Variants in GALNTL6 observed in about 807,000 individuals in gnomAD.
GALNTL6 encodes the protein polypeptide N-acetylgalactosaminyltransferase like 6.
Under a neutral mutation model 73.7 loss-of-function variants are expected in GALNTL6, and 46 were observed. The ratio of observed to expected loss-of-function variants is 0.62; its 90% confidence interval spans 0.49 to 0.80. GALNTL6 has a LOEUF of 0.80. Ranked by LOEUF, GALNTL6 falls within the 30% of genes least tolerant of loss-of-function variation. The pLI is 0.00. For synonymous variants in GALNTL6, 259 were observed against 263.7 expected (o/e 0.98, Z 0.17); for missense variants, 604 against 755.0 (o/e 0.80, Z 2.34).
chr4:172,225,079 G>A (rs1420409616), intron 2 of GALNTL6, among the ~76,000 whole-genome samples: 2 of 152,046 alleles, frequency 1.3e-5, no homozygotes, highest in African/African-American at 4.8e-5. Context: ...TGAAATATAT[G>A]CCTCAAGAAG....
chr4:172,810,485 A>G (rs1358983113), intron 6 of GALNTL6, among the ~76,000 whole-genome samples: 1 of 152,202 alleles, frequency 6.6e-6, no homozygotes, highest in Non-Finnish European at 1.5e-5. Flanking sequence ...TTGGAACTAA[A>G]GTCACTAGCA....
chr4:172,723,178 C>A (rs912441447), intron 5 of GALNTL6, among the ~76,000 whole-genome samples: 2 of 152,148 alleles, frequency 1.3e-5, no homozygotes, highest in Non-Finnish European at 2.9e-5. Context: ...TGGGACTACC[C>A]AGATAATCCA....
rs150741857 is a variant in GALNTL6 at position 172,124,670 on chromosome 4, G to C, written c.139-104986G>C. On this transcript the variant is annotated intron_variant, in intron 2 of 12. Coordinates refer to ENST00000506823, the MANE Select transcript of GALNTL6 (RefSeq NM_001034845.3). The stretch of plus-strand genomic sequence containing the variant: ...GTTTCGTAGGCCTGTTACCAAAAAA[G>C]AAAAAAACAAATCTACTGAAGAGTG... Among the ~76,000 whole-genome samples the C allele has an allele frequency of 3.9e-3, 592 of 151,990 alleles. 3 individuals are homozygous for C. The highest frequency in any genetic ancestry group is 0.013 in the African/African-American group (553 of 41,494).
Position 172,860,562 on chromosome 4 carries a change from T to G in GALNTL6, c.924-22228T>G, listed in dbSNP as rs1323615631. Among the ~76,000 whole-genome samples, 3 of 152,320 alleles carry G rather than the reference T, an allele frequency of 2.0e-5. No homozygotes were observed. In the East Asian group the frequency reaches 5.8e-4, roughly 29 times the overall value. On this transcript the variant is annotated intron_variant, in intron 7 of 12. Coordinates refer to ENST00000506823, the MANE Select transcript of GALNTL6 (RefSeq NM_001034845.3). ...CTCAGAACATCTGAGTCTTAGATAC[T>G]CTACCAAAAAGTGCTGCAACCAGAT...
chr4:172,412,439 C>G (rs905156800), intron 5 of GALNTL6, among the ~76,000 whole-genome samples: 2 of 152,086 alleles, frequency 1.3e-5, no homozygotes, highest in African/African-American at 4.8e-5. Flanking sequence ...TCTCAAAGCA[C>G]CATTTATGCC....
intron 6 of GALNTL6, among the ~76,000 whole-genome samples, chr4:172,811,531 C>T (rs1185308086): frequency 6.6e-6 from 1 of 152,166 alleles, no homozygotes; most frequent in Non-Finnish European, 1.5e-5. Context: ...TCAAAGACAT[C>T]TCTGGGGAAA....
intron 2 of GALNTL6, among the ~76,000 whole-genome samples, chr4:171,866,703 C>G (rs1481336735): frequency 1.3e-5 from 2 of 152,168 alleles, no homozygotes; most frequent in Admixed American, 1.3e-4. Context: ...GGGTCGGGTT[C>G]TGTTGAAGAC....
chr4:172,614,703 G>T (rs774241022), intron 5 of GALNTL6, among the ~76,000 whole-genome samples: 1 of 152,098 alleles, frequency 6.6e-6, no homozygotes, highest in Non-Finnish European at 1.5e-5. Context: ...AATCCTTATC[G>T]TTGTAACAGC....
intron 10 of GALNTL6, among the ~76,000 whole-genome samples, chr4:172,994,997 T>C (rs1259903818): frequency 2.0e-5 from 3 of 152,160 alleles, no homozygotes; most frequent in South Asian, 2.1e-4. Flanking sequence ...CTAGACACCA[T>C]ATTGTGTGAG....
chr4:172,156,126 G>A (rs150063946), intron 2 of GALNTL6, among the ~76,000 whole-genome samples: 1,840 of 152,160 alleles, frequency 0.012, 24 homozygotes, highest in Non-Finnish European at 0.02. Flanking sequence ...AGTGAGGACG[G>A]GGCAGGGGTT....
chr4:172,855,842 G>A (rs1334129948), intron 7 of GALNTL6, among the ~76,000 whole-genome samples: 2 of 152,178 alleles, frequency 1.3e-5, no homozygotes, highest in African/African-American at 2.4e-5. Flanking sequence ...TTGCTAAAGT[G>A]CCTCTCTTCT....
intron 10 of GALNTL6, among the ~76,000 whole-genome samples, chr4:172,990,138 T>C (rs1240600859): frequency 1.3e-5 from 2 of 152,226 alleles, no homozygotes; most frequent in Non-Finnish European, 2.9e-5. Flanking sequence ...GCAGTCTGTT[T>C]ATATCTGAAA....
At chr4:172,750,865 T>C (rs578018215) in intron 5 of GALNTL6, among the ~76,000 whole-genome samples, 10 of 152,304 alleles carry the variant, frequency 6.6e-5, no homozygotes, top group African/African-American at 2.2e-4. Flanking sequence ...CTTCCTTTAG[T>C]CATTTTCTTA....
intron 3 of GALNTL6, among the ~76,000 whole-genome samples, chr4:172,292,350 T>G (rs1739505156): frequency 6.6e-6 from 1 of 152,134 alleles, no homozygotes; most frequent in Admixed American, 6.6e-5. Context: ...GAAGGCAAAT[T>G]TAGTGGCAGT....
At chr4:172,373,850 A>G (rs1271709125) in intron 5 of GALNTL6, among the ~76,000 whole-genome samples, 1 of 152,162 alleles carries the variant, frequency 6.6e-6, no homozygotes, top group Non-Finnish European at 1.5e-5. Flanking sequence ...TTGGATGGTA[A>G]TGGACCTTGA....
At chr4:172,819,839 A>T (rs887324332) in intron 7 of GALNTL6, among the ~76,000 whole-genome samples, 1 of 152,188 alleles carries the variant, frequency 6.6e-6, no homozygotes, top group Non-Finnish European at 1.5e-5. Context: ...CTCCCATTCT[A>T]CTTAGAGAAG....
At chr4:171,914,192 A>G (rs1222201777) in intron 2 of GALNTL6, among the ~76,000 whole-genome samples, 2 of 152,164 alleles carry the variant, frequency 1.3e-5, no homozygotes, top group African/African-American at 2.4e-5. Flanking sequence ...AAACACCCCT[A>G]GCCGTTGCTA....
intron 5 of GALNTL6, among the ~76,000 whole-genome samples, chr4:172,425,746 A>G (rs1731206342): frequency 6.6e-6 from 1 of 152,102 alleles, no homozygotes; most frequent in Admixed American, 6.6e-5. Context: ...GTAGTTAATT[A>G]ATTTTATTTT....
intron 2 of GALNTL6, among the ~76,000 whole-genome samples, chr4:171,972,049 C>G (rs1249027584): frequency 1.3e-5 from 2 of 152,164 alleles, no homozygotes; most frequent in East Asian, 3.9e-4. Flanking sequence ...TGCAATAATT[C>G]TCTGAAGCAA....
Sources: allele counts gnomAD v4.1 joint callset (sites outside exome capture counted in the v4.1 genomes callset), GRCh38; gene constraint gnomAD v4.1.1; transcripts MANE v1.5; gene names NCBI Gene and HGNC (gene_info 2026-07-23, HGNC 2026-07-21).